The following ITIH1 variants were observed in gnomAD, a reference collection of about 807,000 sequenced individuals.
ITIH1 encodes the protein inter-alpha-trypsin inhibitor heavy chain H1.
Under a neutral mutation model 104.6 loss-of-function variants are expected in ITIH1, and 94 were observed. The observed-to-expected ratio is 0.90, with a 90% CI of 0.76 to 1.07. The LOEUF (loss-of-function observed/expected upper bound fraction) is 1.07, where lower values mean the gene tolerates loss of function less well. ITIH1 is among the 50% of genes least tolerant of loss of function. The pLI is 0.00. For missense variants in ITIH1, 1,193 were observed against 1,181.4 expected (o/e 1.01, Z -0.14); for synonymous variants, 455 against 464.4 (o/e 0.98, Z 0.26).
chr3:52,782,351 C>G (rs1393428761), intron 8 of ITIH1, 84 bp downstream of exon 8: 2 of 1,092,072 alleles, frequency 1.8e-6, no homozygotes, highest in African/African-American at 3.1e-5. Flanking sequence ...CTGCCAGAGT[C>G]TGGTTTGGGA....
Position 52,787,092 on chromosome 3 carries a change from C to T in ITIH1, c.1881C>T (p.Pro627=), listed in dbSNP as rs749594876. ...GCCTGAAGCCCACCATCGACAAGCC[C>T]TCAGAGGGTATAGGCTGCAGGGGTC... ...QDGLKPTIDK[P]SEDSPPLEML... Residue 627 remains proline (P), a synonymous_variant, in exon 14 of 22, where the codon CCC becomes CCT. Transcript: ENST00000273283. 1.2e-6 allele frequency: 2 copies of T among 1,614,216 alleles called. No homozygotes were observed. Among genetic ancestry groups the T allele is most frequent in the Non-Finnish European group, 1.7e-6 (2 of 1,180,034 alleles).
At chr3:52,781,213 TCTTCTTCTTCTTCTTCTTCTTCTTCTTC>T (rs1559461287) in intron 6 of ITIH1, among the ~76,000 whole-genome samples, 2 of 22,204 alleles carry the variant, frequency 9.0e-5, no homozygotes, top group African/African-American at 1.7e-4. Context: ...TTTTTTTTCT[TCTTCTTCTTCTTCTTCTTCTTCTTCTTC>T]TTCTTCTTCT....
chr3:52,777,860 G>A (rs1408317391), intron 1 of ITIH1, 128 bp downstream of exon 1: 5 of 1,367,448 alleles, frequency 3.7e-6, no homozygotes, highest in South Asian at 1.2e-5. Context: ...GAGTGGAGAG[G>A]TGACCTCCCA....
Position 52,787,574 on chromosome 3 carries a change from T to C in ITIH1, c.1904-18T>C, listed in dbSNP as rs1207608516. On this transcript the variant is annotated intron_variant, in intron 15 of 21. Coordinates refer to ENST00000273283, the MANE Select transcript of ITIH1 (RefSeq NM_002215.4). ...GTGGGTGACACTGTCTTCGATAATA[T>C]GTCCTTGTCTTCTACAGAGATGCTG... 1.2e-6 allele frequency: 2 copies of C among 1,614,146 alleles called. No individual in the cohort carries two copies. The highest frequency in any genetic ancestry group is 1.7e-6 in the Non-Finnish European group (2 of 1,179,992).
intron 6 of ITIH1, among the ~76,000 whole-genome samples, chr3:52,781,307 C>A (rs1180661789): frequency 8.2e-6 from 1 of 122,350 alleles, no homozygotes; most frequent in African/African-American, 2.8e-5. Context: ...TCTTCTGCTT[C>A]TTCTTCTCCT....
intron 10 of ITIH1, 113 bp downstream of exon 10, chr3:52,783,452 C>A: frequency 8.3e-7 from 1 of 1,210,056 alleles, no homozygotes; most frequent in Non-Finnish European, 1.2e-6. Context: ...CAGAAAAGCT[C>A]AGGGCAAAAT....
chr3:52,778,651 G>A (rs893006776), intron 3 of ITIH1, 145 bp downstream of exon 3: 48 of 1,470,030 alleles, frequency 3.3e-5, no homozygotes, highest in Admixed American at 1.5e-4. Flanking sequence ...TTTGAGGGGA[G>A]GAAGAAGCCC....
rs747941029 is a variant in ITIH1 at position 52,790,932 on chromosome 3, C to T, written c.2494+11C>T. 7 of 1,590,138 alleles carry T rather than the reference C, an allele frequency of 4.4e-6. No individual in the cohort carries two copies. The highest frequency in any genetic ancestry group is 3.7e-5 in the Admixed American group (2 of 53,694). ...CGCACGGGCTGCTGGGTACGGCTGG[C>T]CAGGCTGGCAGGGCTGTGGGGAAGG... On this transcript the variant is annotated intron_variant, in intron 20 of 21. Coordinates refer to ENST00000273283, the MANE Select transcript of ITIH1 (RefSeq NM_002215.4).
Position 52,791,880 on chromosome 3 carries a change from A to G in ITIH1, c.2705A>G (p.Tyr902Cys). Residue 902 changes from tyrosine (Y) to cysteine (C), a missense_variant, in exon 22 of 22, where the codon TAC (tyrosine) becomes TGC (cysteine). By Grantham distance (194) the Tyr-to-Cys change is radical (BLOSUM62 -2). Coordinates refer to ENST00000273283, the MANE Select transcript of ITIH1 (RefSeq NM_002215.4). ...NNGAGLIDGA[Y>C]TDYIVPDIF ...GGGGCTGGACTCATCGATGGTGCCT[A>G]CACTGATTATATCGTCCCCGACATC... 2 of 1,613,986 alleles carry G rather than the reference A, an allele frequency of 1.2e-6. No homozygotes were observed. Among genetic ancestry groups the G allele is most frequent in the Non-Finnish European group, 1.7e-6 (2 of 1,179,930 alleles).
Position 52,779,490 on chromosome 3 carries a change from A to G in ITIH1, c.469A>G (p.Lys157Glu). Reference sequence around the variant, plus strand: ...CCACCTCACCGTCAATCCCCAGAGCAAGGTCACGTTTCAGCTGACTTATGA... The same window carrying G: ...CCACCTCACCGTCAATCCCCAGAGCGAGGTCACGTTTCAGCTGACTTATGA... ...TIHLTVNPQS[K>E]VTFQLTYEEV... is the part of the protein sequence containing the mutation. Residue 157 changes from lysine to glutamate, a missense_variant, in exon 5 of 22, where the codon AAG becomes GAG. Transcript: ENST00000273283. The surrounding 1 kb of genome is among the most constrained non-coding windows in gnomAD (Gnocchi z 4.4). 4 of 1,614,274 alleles carry G rather than the reference A, an allele frequency of 2.5e-6. 1 individual carries two copies. The South Asian group carries it at 4.4e-5, about 18-fold the overall frequency.
chr3:52,783,425 G>C, intron 10 of ITIH1, 86 bp downstream of exon 10: 1 of 1,464,394 alleles, frequency 6.8e-7, no homozygotes, highest in Non-Finnish European at 9.4e-7. Flanking sequence ...CCAACCATTG[G>C]AGATGCCATC....
Position 52,786,380 on chromosome 3 carries a change from A to G in ITIH1, c.1679A>G (p.Asn560Ser), listed in dbSNP as rs1699201955. The change falls in exon 13 of 22, where the codon AAC becomes AGC. Residue 560 changes from asparagine (N) to serine (S), a missense_variant. By Grantham distance (46) the Asn-to-Ser change is conservative. Transcript: ENST00000273283. ...LLRERGHMLENHVERLWAYLT... is the reference protein window; with the variant it reads ...LLRERGHMLESHVERLWAYLT... ...CGAGAGCGTGGCCACATGCTGGAGA[A>G]CCACGTCGAGCGCCTCTGGGCCTAC... The G allele has an allele frequency of 2.5e-6, 4 of 1,585,694 alleles. No homozygotes were observed. The African/African-American group carries it at 5.4e-5, about 21-fold the overall frequency.
At chr3:52,791,124 C>A (rs1559466915) in intron 20 of ITIH1, among the ~76,000 whole-genome samples, 1 of 152,132 alleles carries the variant, frequency 6.6e-6, no homozygotes, top group Non-Finnish European at 1.5e-5. Flanking sequence ...CTTAAGCGAG[C>A]CTGGGAGCAA....
intron 2 of ITIH1, 98 bp from the exon 3 acceptor site, chr3:52,778,242 C>A: frequency 7.9e-7 from 1 of 1,271,408 alleles, no homozygotes; most frequent in Non-Finnish European, 1.1e-6. Flanking sequence ...ATCTGGGCAC[C>A]ATGCACTGGG....
rs769108447 is a variant in ITIH1, at chr3:52,787,096, G to C, written c.1885G>C (p.Glu629Gln). ...GLKPTIDKPSEDSPPLEMLGP... is the reference protein window; with the variant it reads ...GLKPTIDKPSQDSPPLEMLGP... ...GAAGCCCACCATCGACAAGCCCTCA[G>C]AGGGTATAGGCTGCAGGGGTCTACA... The change falls in exon 14 of 22, where the codon GAG (glutamate) becomes CAG (glutamine). Residue 629 changes from glutamate to glutamine, a missense_variant. Transcript: ENST00000273283. 1.1e-5 allele frequency: 18 copies of C among 1,614,240 alleles called. No individual in the cohort carries two copies. The highest frequency in any genetic ancestry group is 5.1e-6 in the Non-Finnish European group (6 of 1,180,034).
chr3:52,791,882 A>G lies in ITIH1; in HGVS notation c.2707A>G (p.Thr903Ala), dbSNP rs1179463494. The change falls in exon 22 of 22, where the codon ACT becomes GCT. Residue 903 changes from threonine (T) to alanine (A), a missense_variant. Coordinates refer to ENST00000273283, the MANE Select transcript of ITIH1 (RefSeq NM_002215.4). ...NGAGLIDGAY[T>A]DYIVPDIF The stretch of plus-strand genomic sequence containing the variant: ...GGCTGGACTCATCGATGGTGCCTAC[A>G]CTGATTATATCGTCCCCGACATCTT... 1 of 1,613,970 alleles carries G rather than the reference A, an allele frequency of 6.2e-7. No individual in the cohort carries two copies. The highest frequency in any genetic ancestry group is 8.5e-7 in the Non-Finnish European group (1 of 1,179,926).
At chr3:52,787,651 C>A (rs1242575292) in intron 16 of ITIH1, 39 bp downstream of exon 16, 8 of 1,607,446 alleles carry the variant, frequency 5.0e-6, no homozygotes, top group Non-Finnish European at 6.8e-6. Context: ...ATCTCTACCC[C>A]TCCTTGATGA....
chr3:52,778,439 A>G lies in ITIH1; in HGVS notation c.238A>G (p.Asn80Asp). 2 of 1,614,192 alleles carry G rather than the reference A, an allele frequency of 1.2e-6. No homozygotes were observed. The highest frequency in any genetic ancestry group is 1.7e-6 in the Non-Finnish European group (2 of 1,180,038). The stretch of plus-strand genomic sequence containing the variant: ...CACCAGCCAAGTGGTCAACACTGCC[A>G]ATGAAGCCAGGGAAGTGGCCTTCGA... ...VVTSQVVNTANEAREVAFDLE... is the reference protein window; with the variant it reads ...VVTSQVVNTADEAREVAFDLE... The change falls in exon 3 of 22, where the codon AAT becomes GAT. Residue 80 changes from asparagine (N) to aspartate (D), a missense_variant. Physicochemically the swap from Asn to Asp is conservative, Grantham distance 23. Coordinates refer to ENST00000273283, the MANE Select transcript of ITIH1 (RefSeq NM_002215.4).
intron 12 of ITIH1, 63 bp from the exon 13 acceptor site, chr3:52,786,232 T>A: frequency 1.3e-6 from 2 of 1,527,748 alleles, no homozygotes; most frequent in Non-Finnish European, 1.8e-6. Context: ...TCAGAGCCCC[T>A]AGCACCAGCC....
Sources: allele counts gnomAD v4.1 joint callset (sites outside exome capture counted in the v4.1 genomes callset), GRCh38; gene constraint gnomAD v4.1.1; non-coding constraint Gnocchi (gnomAD v3.1); transcripts MANE v1.5; gene names NCBI Gene and HGNC (gene_info 2026-07-23, HGNC 2026-07-21).